COBL: variants seen among roughly 807,000 people sequenced by gnomAD.
The protein encoded by COBL is protein cordon-bleu.
COBL carries 51 observed loss-of-function variants against 98.8 expected under a neutral mutation model. The ratio of observed to expected loss-of-function variants is 0.52; its 90% CI spans 0.41 to 0.65. COBL has a LOEUF of 0.65. Among genes scored for constraint, COBL ranks in the 30% least tolerant of loss-of-function variants. COBL has a pLI of 0.00. For missense variants in COBL, 1,617 were observed against 1,617.5 expected (o/e 1.00, Z 0.01); for synonymous variants, 634 against 651.7 (o/e 0.97, Z 0.41).
intron 6 of COBL, among the ~76,000 whole-genome samples, chr7:51,133,645 C>G (rs1798956017): frequency 1.3e-5 from 2 of 152,198 alleles, no homozygotes; most frequent in South Asian, 4.1e-4. Context: ...TGTGTACAAT[C>G]AATCATTCTG....
intron 6 of COBL, among the ~76,000 whole-genome samples, chr7:51,096,615 A>G (rs952873648): frequency 6.6e-6 from 1 of 152,096 alleles, no homozygotes; most frequent in Non-Finnish European, 1.5e-5. Context: ...TAGTTACAGT[A>G]AGTAAAAAAT....
At position 51,087,403 on chromosome 7, in the gene COBL, C is replaced by A. The variant is rs116606944; in HGVS notation, c.958-2099G>T. 7.1e-3 allele frequency among the ~76,000 whole-genome samples: 1,085 copies of A among 152,088 alleles called. 13 individuals carry two copies. The highest frequency in any genetic ancestry group is 0.025 in the African/African-American group (1,051 of 41,478). On this transcript the variant is annotated intron_variant, in intron 6 of 12. Transcript: ENST00000265136. ...AACTGATTTGTTTTCTAGCTTTTTT[C>A]TTTAATTGCATTTCCTGGAAATTCC...
At chr7:51,021,767 T>C (rs1786962974) in intron 12 of COBL, among the ~76,000 whole-genome samples, 1 of 152,210 alleles carries the variant, frequency 6.6e-6, no homozygotes, top group African/African-American at 2.4e-5. Flanking sequence ...GATCCATGCA[T>C]AGCAGAAAAG....
At chr7:51,070,311 T>C (rs1792395768) in intron 7 of COBL, among the ~76,000 whole-genome samples, 1 of 152,016 alleles carries the variant, frequency 6.6e-6, no homozygotes, top group Admixed American at 6.6e-5. Context: ...CATTTTACCA[T>C]GGTGACTAAT....
chr7:51,225,602 G>A (rs1794105580), intron 1 of COBL, among the ~76,000 whole-genome samples: 1 of 152,182 alleles, frequency 6.6e-6, no homozygotes, highest in African/African-American at 2.4e-5. Flanking sequence ...GCCCTGGCAG[G>A]AACTGTTTAT....
rs528453217 is a variant in COBL, at chr7:51,159,609, G to A, written c.784-23278C>T. Among the ~76,000 whole-genome samples the A allele has an allele frequency of 1.4e-3, 219 of 152,234 alleles. 5 individuals carry two copies. The highest frequency in any genetic ancestry group is 1.8e-3 in the Non-Finnish European group (122 of 68,004). On this transcript the variant is annotated intron_variant, in intron 5 of 12. Transcript: ENST00000265136. ...ATAGTCATGTTTTAGGGGAACATAC[G>A]GAAAACCAGTATTTGAAAGGGACGT...
intron 12 of COBL, among the ~76,000 whole-genome samples, chr7:51,018,989 ATCGTTAGTG>A (rs1203150096): frequency 7.3e-6 from 1 of 137,896 alleles, no homozygotes; most frequent in African/African-American, 2.7e-5. Flanking sequence ...CTCACCAGCT[ATCGTTAGTG>A]TTTTTTATAT....
chr7:51,202,793 C>A (rs1268967833), intron 2 of COBL, among the ~76,000 whole-genome samples: 3 of 152,210 alleles, frequency 2.0e-5, no homozygotes, highest in African/African-American at 4.8e-5. Context: ...GTAATCCCAG[C>A]ACTTTGGGAG....
chr7:51,170,249 C>T (rs919866740), intron 5 of COBL, among the ~76,000 whole-genome samples: 1 of 149,074 alleles, frequency 6.7e-6, no homozygotes, highest in South Asian at 2.1e-4. Flanking sequence ...CAGTTTATTT[C>T]CCCCCACAAA....
rs545070677 is a variant in COBL, at chr7:51,017,427, C to T, written c.*124G>A. 22 of 800,938 alleles carry T rather than the reference C, an allele frequency of 2.7e-5. No homozygotes were observed. The highest frequency in any genetic ancestry group is 1.4e-4 in the Admixed American group (6 of 44,318). The allele number at this position is 800,938 out of a possible 1,614,324, so 49.6% of individuals were successfully genotyped here. On this transcript the variant is annotated 3_prime_UTR_variant, in exon 13 of 13. Transcript: ENST00000265136. Reference sequence around the variant, plus strand: ...AGGAACACACCGAAAATCAACTGTGCGCATTTGGCCTGTAGACAAGAAAGT... The same window carrying T: ...AGGAACACACCGAAAATCAACTGTGTGCATTTGGCCTGTAGACAAGAAAGT...
chr7:51,158,085 G>A (rs1786373876), intron 5 of COBL, among the ~76,000 whole-genome samples: 2 of 152,196 alleles, frequency 1.3e-5, no homozygotes, highest in African/African-American at 4.8e-5. Flanking sequence ...TGTCATCTGT[G>A]TCTGCTGTGT....
intron 7 of COBL, 102 bp from the exon 8 acceptor site, chr7:51,043,794 G>A: frequency 3.1e-6 from 3 of 961,836 alleles, no homozygotes; most frequent in Middle Eastern, 3.0e-4. Flanking sequence ...TAAAATTTGG[G>A]ATTCAGGGTG....
At position 51,085,197 on chromosome 7, in the gene COBL, C is replaced by T. The variant is rs1794093109; in HGVS notation, c.1065G>A (p.Glu355=). 2 of 1,613,882 alleles carry T rather than the reference C, an allele frequency of 1.2e-6. No homozygotes were observed. Among genetic ancestry groups the T allele is most frequent in the African/African-American group, 2.7e-5 (2 of 74,894 alleles). The change falls in exon 7 of 13, where the codon GAG becomes GAA. Residue 355 remains glutamate (E), a synonymous_variant. Transcript: ENST00000265136. The part of the protein sequence containing the change: ...PPSPLIPNRT[E]DKEENRKSTM... The stretch of plus-strand genomic sequence containing the variant: ...TGCTCTTCCTGTTCTCCTCCTTATC[C>T]TCAGTGCGGTTGGGGATCAGGGGAC...
intron 2 of COBL, among the ~76,000 whole-genome samples, chr7:51,207,675 G>T (rs551169888): frequency 1.2e-3 from 168 of 137,636 alleles, no homozygotes; most frequent in Middle Eastern, 3.5e-3. Context: ...CGAGTGATCC[G>T]CCAGCCTCGG....
intron 6 of COBL, among the ~76,000 whole-genome samples, chr7:51,114,455 T>G (rs149000896): frequency 6.6e-6 from 1 of 152,254 alleles, no homozygotes; most frequent in Non-Finnish European, 1.5e-5. Flanking sequence ...ATCTCATACT[T>G]AGAATAAAAC....
Position 51,074,560 on chromosome 7 carries a change from T to G in COBL, c.1096+10606A>C, listed in dbSNP as rs149739862. Among the ~76,000 whole-genome samples, 11 of 152,276 alleles carry G rather than the reference T, an allele frequency of 7.2e-5. No homozygotes were observed. The East Asian group carries it at 2.1e-3, about 29-fold the overall frequency. On this transcript the variant is annotated intron_variant, in intron 7 of 12. Coordinates refer to ENST00000265136, the MANE Select transcript of COBL (RefSeq NM_015198.5). ...CCTTATTTCTGGGAAGGACTCAAAT[T>G]TATATAAACCCAAAGAGAAGTTCTT...
intron 1 of COBL, among the ~76,000 whole-genome samples, chr7:51,221,584 AT>A (rs1793642615): frequency 6.6e-6 from 1 of 152,242 alleles, no homozygotes; most frequent in Non-Finnish European, 1.5e-5. Flanking sequence ...GTTTCAGAAT[AT>A]TATTTGTTTA....
At chr7:51,069,323 C>A (rs187621878) in intron 7 of COBL, among the ~76,000 whole-genome samples, 1 of 152,246 alleles carries the variant, frequency 6.6e-6, no homozygotes, top group South Asian at 2.1e-4. Context: ...GTTTGTGCTG[C>A]ATCTGCCTCT....
intron 2 of COBL, among the ~76,000 whole-genome samples, chr7:51,203,163 A>G (rs1431747608): frequency 3.9e-5 from 6 of 152,110 alleles, no homozygotes; most frequent in Non-Finnish European, 5.9e-5. Context: ...AGTTAATAAT[A>G]AAGATTACAG....
Sources: allele counts gnomAD v4.1 joint callset (sites outside exome capture counted in the v4.1 genomes callset), GRCh38; gene constraint gnomAD v4.1.1; transcripts MANE v1.5; gene names NCBI Gene and HGNC (gene_info 2026-07-23, HGNC 2026-07-21).